WFDC9: variants seen among roughly 807,000 people sequenced by gnomAD.
The protein encoded by WFDC9 is WAP four-disulfide core domain 9.
WFDC9 carries 9 observed loss-of-function variants against 9.5 expected under a neutral mutation model. The observed-to-expected ratio is 0.95, with a 90% CI of 0.57 to 1.65. The LOEUF (loss-of-function observed/expected upper bound fraction) is 1.65. Among genes scored for constraint, WFDC9 ranks in the 40% most tolerant of loss-of-function variants. The pLI is 0.00. For missense variants in WFDC9, 87 were observed against 106.7 expected, an observed-to-expected ratio of 0.82 and a Z score of 0.81; for synonymous variants, 33 against 32.3, an observed-to-expected ratio of 1.02 and a Z score of -0.07.
intron 1 of WFDC9, among the ~76,000 whole-genome samples, chr20:45,618,557 G>A (rs1438094565): frequency 6.6e-6 from 1 of 152,090 alleles, no homozygotes; most frequent in Admixed American, 6.6e-5. Flanking sequence ...AGAGTCTGTT[G>A]CGGGGTTATT....
chr20:45,623,366 G>A (rs992237571), intron 1 of WFDC9, among the ~76,000 whole-genome samples: 5 of 152,088 alleles, frequency 3.3e-5, no homozygotes, highest in African/African-American at 4.8e-5. Context: ...TAGGCCAGGC[G>A]TGGTGGCTCA....
rs754099509 is a variant in WFDC9, at chr20:45,630,933, A to T, written c.-153+270T>A. The stretch of plus-strand genomic sequence containing the variant: ...CAGCCTAAACTATATCTATGCAAAC[A>T]CTTATGTGAATCTCACCGAGATTGT... On this transcript the variant is annotated intron_variant, in intron 1 of 4. Transcript: ENST00000326000. 11 of 1,612,488 alleles carry T rather than the reference A, an allele frequency of 6.8e-6. No homozygotes were observed. Among genetic ancestry groups the T allele is most frequent in the East Asian group, 2.2e-5 (1 of 44,790 alleles).
At position 45,629,757 on chromosome 20, in the gene WFDC9, T is replaced by G; in HGVS notation, c.-153+1446A>C. The G allele has an allele frequency of 1.3e-6, 2 of 1,584,118 alleles. 1 individual carries two copies. The highest frequency in any genetic ancestry group is 2.3e-5 in the South Asian group (2 of 87,802). On this transcript the variant is annotated intron_variant, in intron 1 of 4. Transcript: ENST00000326000. ...TTCCTTCACTCTCCGTAGACAGCTC[T>G]GCAGGGAAGTCTGTGACAACCTGGC... is the stretch of plus-strand genomic sequence containing the variant.
chr20:45,614,048 A>G (rs534777216), intron 2 of WFDC9, among the ~76,000 whole-genome samples: 1 of 152,270 alleles, frequency 6.6e-6, no homozygotes, highest in African/African-American at 2.4e-5. Context: ...TGTATTCCAA[A>G]ATACCACCCT....
At chr20:45,619,886 C>T (rs151149107) in intron 1 of WFDC9, among the ~76,000 whole-genome samples, 324 of 152,026 alleles carry the variant, frequency 2.1e-3, no homozygotes, top group African/African-American at 7.3e-3. Flanking sequence ...ATTAGCCAGC[C>T]GTGGTGGTGG....
At chr20:45,620,749 T>C (rs1349127967) in intron 1 of WFDC9, among the ~76,000 whole-genome samples, 2 of 152,218 alleles carry the variant, frequency 1.3e-5, no homozygotes, top group African/African-American at 2.4e-5. Context: ...TTGTCTAAAT[T>C]GTGTCATGTC....
intron 3 of WFDC9, among the ~76,000 whole-genome samples, chr20:45,609,187 C>G (rs1981798423): frequency 6.6e-6 from 1 of 151,738 alleles, no homozygotes; most frequent in Admixed American, 6.6e-5. Context: ...AGAATAGAAA[C>G]TTACTTTTTT....
chr20:45,617,547 A>G (rs925879271), intron 1 of WFDC9, among the ~76,000 whole-genome samples: 1 of 152,214 alleles, frequency 6.6e-6, no homozygotes, highest in Non-Finnish European at 1.5e-5. Flanking sequence ...AATTTTAGAG[A>G]CAGGGTCTTG....
intron 1 of WFDC9, among the ~76,000 whole-genome samples, chr20:45,624,407 T>G (rs1343178031): frequency 6.6e-6 from 1 of 152,244 alleles, no homozygotes; most frequent in East Asian, 1.9e-4. Flanking sequence ...TTATTCCTTT[T>G]TGTGGCTGAA....
intron 1 of WFDC9, among the ~76,000 whole-genome samples, chr20:45,630,155 G>A (rs1982323136): frequency 6.6e-6 from 1 of 152,152 alleles, no homozygotes; most frequent in South Asian, 2.1e-4. Flanking sequence ...GAGAGAAATG[G>A]CACATCCCAT....
At chr20:45,617,440 G>A (rs1981997068) in intron 1 of WFDC9, among the ~76,000 whole-genome samples, 1 of 152,166 alleles carries the variant, frequency 6.6e-6, no homozygotes. Flanking sequence ...GGGTGACAGA[G>A]CGAGACTCCA....
intron 1 of WFDC9, chr20:45,629,574 C>A: frequency 2.6e-6 from 1 of 385,696 alleles, no homozygotes; most frequent in East Asian, 3.9e-5. Flanking sequence ...GAACACAAGA[C>A]TGGTTATGTG....
intron 4 of WFDC9, 78 bp from the exon 5 acceptor site, chr20:45,608,218 A>T: frequency 6.8e-7 from 1 of 1,467,844 alleles, no homozygotes; most frequent in Admixed American, 2.1e-5. Flanking sequence ...CCTAGGCCCC[A>T]GATGAAAAAG....
Position 45,628,652 on chromosome 20 carries a change from G to A in WFDC9, c.-153+2551C>T, listed in dbSNP as rs898253382. ...TATAGGTACAAATATCAGAATTTTTGAATTATAAAGGATATCGCAAAGGAT... is the reference window on the plus strand; with the variant it reads ...TATAGGTACAAATATCAGAATTTTTAAATTATAAAGGATATCGCAAAGGAT... On this transcript the variant is annotated intron_variant, in intron 1 of 4. Coordinates refer to ENST00000326000, the MANE Select transcript of WFDC9 (RefSeq NM_147198.4). 5.9e-5 allele frequency among the ~76,000 whole-genome samples: 9 copies of A among 152,242 alleles called. No individual in the cohort carries two copies. The East Asian group carries it at 1.5e-3, about 26-fold the overall frequency.
At position 45,615,603 on chromosome 20, in the gene WFDC9, T is replaced by G. The variant is rs191422439; in HGVS notation, c.-152-882A>C. On this transcript the variant is annotated intron_variant, in intron 1 of 4. Transcript: ENST00000326000. ...AGTGCATATGAAAAGTATGTTTTCC[T>G]GAAGTCTTTTATTTATATATTTATT... Among the ~76,000 whole-genome samples, 414 of 152,300 alleles carry G rather than the reference T, an allele frequency of 2.7e-3. 3 individuals are homozygous for G. Among genetic ancestry groups the G allele is most frequent in the Non-Finnish European group, 1.2e-3 (85 of 68,032 alleles).
chr20:45,614,554 C>T (rs1009458260), intron 2 of WFDC9, 74 bp downstream of exon 2: 10 of 152,150 alleles, frequency 6.6e-5, no homozygotes, highest in African/African-American at 2.4e-4. Context: ...AATAGTGACA[C>T]CATCTGGGCT....
intron 2 of WFDC9, among the ~76,000 whole-genome samples, chr20:45,614,093 A>G (rs1981920577): frequency 6.6e-6 from 1 of 152,172 alleles, no homozygotes; most frequent in Non-Finnish European, 1.5e-5. Context: ...AAATCTGTTC[A>G]TTCACACGGC....
intron 1 of WFDC9, among the ~76,000 whole-genome samples, chr20:45,627,400 A>C (rs945042360): frequency 6.6e-6 from 1 of 152,148 alleles, no homozygotes; most frequent in African/African-American, 2.4e-5. Flanking sequence ...ATTGGTATTA[A>C]TTTATATTTA....
intron 1 of WFDC9, among the ~76,000 whole-genome samples, chr20:45,621,008 C>A (rs1250878873): frequency 1.3e-5 from 2 of 152,120 alleles, no homozygotes; most frequent in Non-Finnish European, 2.9e-5. Context: ...TAGGGCCTAT[C>A]TCTGGCATCT....
Sources: allele counts gnomAD v4.1 joint callset (sites outside exome capture counted in the v4.1 genomes callset), GRCh38; gene constraint gnomAD v4.1.1; transcripts MANE v1.5; gene names NCBI Gene and HGNC (gene_info 2026-07-23, HGNC 2026-07-21).